BAZ2B: variants seen among roughly 807,000 people sequenced by gnomAD.
The protein encoded by BAZ2B is bromodomain adjacent to zinc finger domain 2B.
BAZ2B carries 91 observed loss-of-function variants against 246.0 expected under a neutral mutation model. The observed-to-expected ratio is 0.37, with a 90% CI of 0.31 to 0.44. The LOEUF is 0.44. Among genes scored for constraint, BAZ2B ranks in the 20% least tolerant of loss-of-function variants. BAZ2B has a pLI of 1.00. For synonymous variants in BAZ2B, 855 were observed against 860.0 expected (o/e 0.99, Z 0.10); for missense variants, 2,332 against 2,533.7 (o/e 0.92, Z 1.71).
intron 2 of BAZ2B, among the ~76,000 whole-genome samples, chr2:159,524,027 GA>G (rs552854301): frequency 1.3e-5 from 2 of 152,090 alleles, no homozygotes; most frequent in East Asian, 1.9e-4. Context: ...TAAACTATTG[GA>G]AAAAAATACA....
chr2:159,532,999 C>T (rs1426288321), intron 2 of BAZ2B, among the ~76,000 whole-genome samples: 2 of 152,002 alleles, frequency 1.3e-5, no homozygotes, highest in African/African-American at 2.4e-5. Flanking sequence ...GCATTGTTAT[C>T]CACAAAAAGT....
At chr2:159,341,379 TA>T (rs567814663) in intron 31 of BAZ2B, among the ~76,000 whole-genome samples, 101 of 152,212 alleles carry the variant, frequency 6.6e-4, no homozygotes, top group Admixed American at 2.4e-3. Flanking sequence ...ACTCAATACA[TA>T]AAGCAAATAT....
the BAZ2B span, among the ~76,000 whole-genome samples, chr2:159,684,748 A>G: frequency 6.6e-6 from 1 of 152,218 alleles, no homozygotes; most frequent in African/African-American, 2.4e-5. Context: ...CTATACTTTT[A>G]TTTGCACACA....
chr2:159,369,173 T>C (rs577689498), intron 27 of BAZ2B, among the ~76,000 whole-genome samples: 31 of 152,160 alleles, frequency 2.0e-4, no homozygotes, highest in Admixed American at 5.2e-4. Flanking sequence ...GTGGAAAAGC[T>C]TAGGATTTGA....
At chr2:159,664,007 C>T in the BAZ2B span, among the ~76,000 whole-genome samples, 1 of 78,250 alleles carries the variant, frequency 1.3e-5, no homozygotes, top group South Asian at 5.4e-4. Context: ...GGTATATCTC[C>T]CAATGCTATC....
At chr2:159,694,312 G>C in the BAZ2B span, 1 of 152,118 alleles carries the variant, frequency 6.6e-6, no homozygotes, top group Non-Finnish European at 1.5e-5. Flanking sequence ...ATACATTTCT[G>C]TTGCCACCAG....
intron 1 of BAZ2B, among the ~76,000 whole-genome samples, chr2:159,584,160 T>C (rs1255073393): frequency 6.6e-6 from 1 of 151,870 alleles, no homozygotes; most frequent in African/African-American, 2.4e-5. Context: ...TCTTGCTTTA[T>C]TGCCAGGCTG....
chr2:159,320,760 T>A (rs1169676323), intron 36 of BAZ2B, among the ~76,000 whole-genome samples: 1 of 152,218 alleles, frequency 6.6e-6, no homozygotes. Flanking sequence ...TATTAAGTTC[T>A]CTGACCAAAT....
intron 31 of BAZ2B, among the ~76,000 whole-genome samples, chr2:159,343,586 A>T (rs2067144622): frequency 6.6e-6 from 1 of 152,194 alleles, no homozygotes; most frequent in African/African-American, 2.4e-5. Flanking sequence ...ATGGGCAAAT[A>T]ATCTGAACAG....
the BAZ2B span, among the ~76,000 whole-genome samples, chr2:159,633,439 C>G: frequency 1.4e-4 from 21 of 152,276 alleles, no homozygotes; most frequent in East Asian, 2.7e-3. Flanking sequence ...AAAGAGGCCA[C>G]CTGACAGTGA....
At chr2:159,643,966 T>C in the BAZ2B span, among the ~76,000 whole-genome samples, 3 of 151,420 alleles carry the variant, frequency 2.0e-5, no homozygotes, top group Non-Finnish European at 2.9e-5. Flanking sequence ...TTATCTAACC[T>C]GGGTAAAGTG....
At chr2:159,654,517 C>T in the BAZ2B span, among the ~76,000 whole-genome samples, 2 of 151,976 alleles carry the variant, frequency 1.3e-5, no homozygotes. Context: ...GAGGTAGAAA[C>T]CTGCCTTCTA....
chr2:159,344,474 C>A (rs991636744), intron 31 of BAZ2B, among the ~76,000 whole-genome samples: 2 of 148,490 alleles, frequency 1.3e-5, no homozygotes, highest in East Asian at 2.0e-4. Context: ...GTGGAGGCTG[C>A]GGTGAGCTGA....
rs779694229 is a variant in BAZ2B at position 159,374,679 on chromosome 2, A to G, written c.4068+12T>C. 30 of 1,606,190 alleles carry G rather than the reference A, an allele frequency of 1.9e-5. No individual in the cohort carries two copies. Among genetic ancestry groups the G allele is most frequent in the East Asian group, 1.6e-4 (7 of 44,708 alleles). Reference sequence around the variant, plus strand: ...TGTGAAGAAGTTAAATGTTAATCAGAAAAGTGCTTACTTTACTCAGTTTTT... The same window carrying G: ...TGTGAAGAAGTTAAATGTTAATCAGGAAAGTGCTTACTTTACTCAGTTTTT... On this transcript the variant is annotated intron_variant, in intron 26 of 36. Transcript: ENST00000392783.
At chr2:159,618,958 A>T (rs1196193235), upstream of BAZ2B, among the ~76,000 whole-genome samples, 1 of 152,126 alleles carries the variant, frequency 6.6e-6, no homozygotes, top group Non-Finnish European at 1.5e-5. Context: ...GGGATTGCAG[A>T]TGCCACACTG....
the BAZ2B span, among the ~76,000 whole-genome samples, chr2:159,711,694 C>T: frequency 2.4e-4 from 37 of 152,236 alleles, 1 homozygote; most frequent in South Asian, 7.0e-3. Flanking sequence ...GTAGCTTTTC[C>T]CTAACCTACT....
At chr2:159,385,068 C>T in intron 23 of BAZ2B, 87 bp downstream of exon 23, 1 of 1,382,532 alleles carries the variant, frequency 7.2e-7, no homozygotes, top group Non-Finnish European at 1.0e-6. Context: ...CTGTAACTTT[C>T]CAATTTTCTA....
At chr2:159,533,865 T>C (rs2085634531) in intron 2 of BAZ2B, among the ~76,000 whole-genome samples, 2 of 152,206 alleles carry the variant, frequency 1.3e-5, no homozygotes, top group Non-Finnish European at 2.9e-5. Flanking sequence ...AATGAATGTA[T>C]GTGAAACAAA....
chr2:159,567,903 C>T (rs889311317), intron 1 of BAZ2B, among the ~76,000 whole-genome samples: 3 of 152,128 alleles, frequency 2.0e-5, no homozygotes, highest in East Asian at 1.9e-4. Context: ...ACCTGGGAGG[C>T]GGAGGTTGCC....
Sources: allele counts gnomAD v4.1 joint callset (sites outside exome capture counted in the v4.1 genomes callset), GRCh38; gene constraint gnomAD v4.1.1; transcripts MANE v1.5; gene names NCBI Gene and HGNC (gene_info 2026-07-23, HGNC 2026-07-21).